Variants in CCDC148 observed in about 807,000 individuals in gnomAD.
CCDC148 encodes the protein coiled-coil domain-containing protein 148.
A neutral mutation model predicts 85.7 loss-of-function variants in CCDC148; 89 were observed. The ratio of observed to expected loss-of-function variants is 1.04; its 90% CI spans 0.87 to 1.24. The LOEUF (loss-of-function observed/expected upper bound fraction) is 1.24, where lower values mean the gene tolerates loss of function less well. Ranked by LOEUF, CCDC148 falls within the 50% of genes most tolerant of loss-of-function variation. The pLI, the probability that CCDC148 is intolerant of heterozygous loss-of-function variation, is 0.00. For synonymous variants in CCDC148, 230 were observed against 213.9 expected (o/e 1.08, Z -0.66); for missense variants, 692 against 671.7 (o/e 1.03, Z -0.33).
chr2:158,276,450 C>T (rs1019078532), intron 9 of CCDC148, among the ~76,000 whole-genome samples: 1 of 150,988 alleles, frequency 6.6e-6, no homozygotes, highest in Admixed American at 6.6e-5. Flanking sequence ...AAAACAAAAA[C>T]AAAAAACAAA....
At chr2:158,380,175 T>C (rs555650907) in intron 1 of CCDC148, among the ~76,000 whole-genome samples, 1 of 152,202 alleles carries the variant, frequency 6.6e-6, no homozygotes, top group South Asian at 2.1e-4. Flanking sequence ...AAAAGATATA[T>C]TTACAAGTAT....
chr2:158,241,009 A>T (rs1357735168), intron 10 of CCDC148, among the ~76,000 whole-genome samples: 1 of 152,166 alleles, frequency 6.6e-6, no homozygotes, highest in East Asian at 1.9e-4. Context: ...CAGATGCCCA[A>T]ATTACAGTTT....
At chr2:158,288,870 G>T in intron 9 of CCDC148, 1 of 304,114 alleles carries the variant, frequency 3.3e-6, no homozygotes, top group South Asian at 2.9e-5. Flanking sequence ...TGGACTTACA[G>T]TTCCACATGG....
chr2:158,367,433 G>A (rs1255512162), intron 1 of CCDC148, among the ~76,000 whole-genome samples: 3 of 152,080 alleles, frequency 2.0e-5, no homozygotes, highest in Non-Finnish European at 4.4e-5. Flanking sequence ...TGGAGAGCCA[G>A]CCCCTTTAGA....
intron 9 of CCDC148, among the ~76,000 whole-genome samples, chr2:158,258,412 G>T (rs1278547564): frequency 5.3e-5 from 8 of 151,812 alleles, no homozygotes; most frequent in African/African-American, 1.9e-4. Flanking sequence ...GCATAGATGA[G>T]AAAACCCAGG....
chr2:158,411,963 G>A (rs1194348133), intron 1 of CCDC148, among the ~76,000 whole-genome samples: 2 of 152,156 alleles, frequency 1.3e-5, no homozygotes, highest in Non-Finnish European at 2.9e-5. Flanking sequence ...GGGGCTGGGA[G>A]TAGTGCAGTG....
At chr2:158,234,715 G>A (rs1446639393) in intron 10 of CCDC148, among the ~76,000 whole-genome samples, 2 of 152,070 alleles carry the variant, frequency 1.3e-5, no homozygotes, top group Admixed American at 1.3e-4. Flanking sequence ...AAATTATGCG[G>A]CAGGAGAAAA....
chr2:158,293,220 G>C (rs1041181888), intron 9 of CCDC148, among the ~76,000 whole-genome samples: 1 of 152,118 alleles, frequency 6.6e-6, no homozygotes, highest in African/African-American at 2.4e-5. Context: ...GACAATATGG[G>C]GGGTGGGGGA....
intron 1 of CCDC148, among the ~76,000 whole-genome samples, chr2:158,383,781 T>G (rs751016732): frequency 5.3e-5 from 8 of 152,126 alleles, no homozygotes; most frequent in Non-Finnish European, 1.0e-4. Context: ...ACAAGACAAC[T>G]CTCAGCAACA....
At chr2:158,445,768 GTATAT>G (rs1234371970) in intron 1 of CCDC148, among the ~76,000 whole-genome samples, 1 of 151,622 alleles carries the variant, frequency 6.6e-6, no homozygotes, top group East Asian at 1.9e-4. Context: ...TCTAAATTAT[GTATAT>G]TATAAAATAT....
intron 1 of CCDC148, among the ~76,000 whole-genome samples, chr2:158,452,736 C>T (rs542626997): frequency 6.6e-6 from 1 of 152,280 alleles, no homozygotes; most frequent in South Asian, 2.1e-4. Context: ...TGATGCCTTG[C>T]CAGGTGCATT....
In CCDC148 at chr2:158,337,672, C is replaced by T. The variant is rs115212225; in HGVS notation, c.764+1054G>A. ...AAAGGTGTGTGATGTGGAGAAGCTA[C>T]CATCAGAAAAAGGGGTCCAACTTCA... On this transcript the variant is annotated intron_variant, in intron 7 of 13. Transcript: ENST00000283233. 7.1e-3 allele frequency among the ~76,000 whole-genome samples: 1,083 copies of T among 152,152 alleles called. 9 individuals carry two copies. Among genetic ancestry groups the T allele is most frequent in the Non-Finnish European group, 0.012 (786 of 68,002 alleles).
At chr2:158,243,741 T>C (rs1688447929) in intron 10 of CCDC148, among the ~76,000 whole-genome samples, 1 of 152,200 alleles carries the variant, frequency 6.6e-6, no homozygotes, top group Non-Finnish European at 1.5e-5. Context: ...TGGCAGTAAT[T>C]TGTTAACTCT....
chr2:158,291,704 T>C (rs1690903348), intron 9 of CCDC148, among the ~76,000 whole-genome samples: 1 of 152,230 alleles, frequency 6.6e-6, no homozygotes, highest in Non-Finnish European at 1.5e-5. Context: ...TGTTTATGTG[T>C]CTGCCTCCTC....
At chr2:158,217,362 T>G (rs141241222) in intron 11 of CCDC148, among the ~76,000 whole-genome samples, 9,772 of 99,018 alleles carry the variant, frequency 0.099, 479 homozygotes, top group East Asian at 0.17. Flanking sequence ...ATATAAAATT[T>G]TGTGTGTGTG....
intron 10 of CCDC148, among the ~76,000 whole-genome samples, chr2:158,236,491 A>T (rs1363728645): frequency 6.6e-6 from 1 of 152,130 alleles, no homozygotes; most frequent in Non-Finnish European, 1.5e-5. Flanking sequence ...CTCTCTTTTC[A>T]CTATTCATTA....
chr2:158,238,730 T>C (rs781403981), intron 10 of CCDC148, among the ~76,000 whole-genome samples: 3 of 152,130 alleles, frequency 2.0e-5, no homozygotes, highest in Non-Finnish European at 2.9e-5. Context: ...AGCAGGCAGG[T>C]ACTAATAAAG....
At chr2:158,449,491 A>G (rs1688303732) in intron 1 of CCDC148, among the ~76,000 whole-genome samples, 1 of 149,506 alleles carries the variant, frequency 6.7e-6, no homozygotes, top group African/African-American at 2.5e-5. Flanking sequence ...TCTGTCGCCC[A>G]GGCTGGAGTG....
rs535492429 is a variant in CCDC148 at position 158,224,570 on chromosome 2, C to T, written c.1252-3857G>A. ...AGCCAGAGAGAAAGGTTGGGTTACC[C>T]ACAAAGGGAAGCCCATAAGACTAAC... On this transcript the variant is annotated intron_variant, in intron 10 of 13. Transcript: ENST00000283233. Among the ~76,000 whole-genome samples, 12 of 152,268 alleles carry T rather than the reference C, an allele frequency of 7.9e-5. No individual in the cohort carries two copies. In the East Asian group the frequency reaches 2.1e-3, roughly 27 times the overall value.
Sources: allele counts gnomAD v4.1 joint callset (sites outside exome capture counted in the v4.1 genomes callset), GRCh38; gene constraint gnomAD v4.1.1; transcripts MANE v1.5; gene names NCBI Gene and HGNC (gene_info 2026-07-23, HGNC 2026-07-21).